The following TG variants were observed in gnomAD, a reference collection of about 807,000 sequenced individuals.
TG encodes the protein thyroid hormones.
TG carries 270 observed loss-of-function variants against 324.7 expected under a neutral mutation model. The observed-to-expected ratio is 0.83, with a 90% CI of 0.75 to 0.92. TG has a LOEUF of 0.92. Ranked by LOEUF, TG falls within the 40% of genes least tolerant of loss-of-function variation. The pLI is 0.00. For synonymous variants in TG, 1,401 were observed against 1,327.0 expected (o/e 1.06, Z -1.21); for missense variants, 3,591 against 3,456.4 (o/e 1.04, Z -0.98).
intron 43 of TG, among the ~76,000 whole-genome samples, chr8:133,106,867 C>T (rs1333218675): frequency 1.3e-5 from 2 of 152,180 alleles, no homozygotes; most frequent in South Asian, 2.1e-4. Context: ...CCAAATGCCT[C>T]GAGCTGCTCC....
intron 34 of TG, among the ~76,000 whole-genome samples, chr8:132,975,771 A>G (rs1286511319): frequency 6.6e-6 from 1 of 152,202 alleles, no homozygotes; most frequent in East Asian, 1.9e-4. Context: ...GTCACCAGAA[A>G]GTAAATCAGA....
At position 132,969,910 on chromosome 8, in the gene TG, CAAAAAAAAA is replaced by C. The variant is rs11335158; in HGVS notation, c.5975+356_5975+364del. The stretch of plus-strand genomic sequence containing the variant: ...GCCTAGCAACAGAGCGAGACTCTGT[CAAAAAAAAA>C]AAAAAAAAAAAAAAGCACAAAAAAC... On this transcript the variant is annotated intron_variant, in intron 32 of 47. Coordinates refer to ENST00000220616, the MANE Select transcript of TG (RefSeq NM_003235.5). Among the ~76,000 whole-genome samples, 4 of 58,074 alleles carry C rather than the reference CAAAAAAAAA, an allele frequency of 6.9e-5. No individual in the cohort carries two copies. In the Admixed American group the frequency reaches 8.8e-4, roughly 13 times the overall value. 38.1% of individuals were successfully genotyped at this position (58,074 alleles called of 152,430 possible).
intron 29 of TG, among the ~76,000 whole-genome samples, chr8:132,965,870 T>C (rs1477530275): frequency 1.3e-5 from 2 of 152,178 alleles, no homozygotes; most frequent in East Asian, 3.9e-4. Context: ...GAGTTGAGGC[T>C]GAAAATGCAA....
Position 132,935,833 on chromosome 8 carries a change from T to A in TG, c.5010T>A (p.Gly1670=), listed in dbSNP as rs760804532. The A allele has an allele frequency of 1.2e-6, 2 of 1,612,658 alleles. No individual in the cohort carries two copies. Among genetic ancestry groups the A allele is most frequent in the Non-Finnish European group, 1.7e-6 (2 of 1,180,010 alleles). ...GCCAGGTGAAAGTGAGGAGCCATGG[T>A]CAAGATTCTCCAGCTGTGTATTTGA... ...LRCQVKVRSH[G]QDSPAVYLKK... Residue 1670 remains glycine, a synonymous_variant, in exon 25 of 48, where the codon GGT becomes GGA. Coordinates refer to ENST00000220616, the MANE Select transcript of TG (RefSeq NM_003235.5).
Position 133,041,387 on chromosome 8 carries a change from A to G in TG, c.7239+11364A>G, listed in dbSNP as rs1456733463. Among the ~76,000 whole-genome samples the G allele has an allele frequency of 3.3e-5, 5 of 152,346 alleles. No individual in the cohort carries two copies. The East Asian group carries it at 9.6e-4, about 29-fold the overall frequency. On this transcript the variant is annotated intron_variant, in intron 41 of 47. Coordinates refer to ENST00000220616, the MANE Select transcript of TG (RefSeq NM_003235.5). ...GGGCAAGCCAGGAAGACCTCGTTTCATGGTTTTCAGTCCGACTTCAACTGT... is the reference window on the plus strand; with the variant it reads ...GGGCAAGCCAGGAAGACCTCGTTTCGTGGTTTTCAGTCCGACTTCAACTGT...
intron 43 of TG, among the ~76,000 whole-genome samples, chr8:133,098,781 G>T (rs1169416881): frequency 6.6e-6 from 1 of 152,186 alleles, no homozygotes; most frequent in East Asian, 1.9e-4. Context: ...CTTGTTGGCA[G>T]ATCTGGGACC....
At chr8:133,009,441 G>A (rs1834304218) in intron 35 of TG, among the ~76,000 whole-genome samples, 1 of 152,088 alleles carries the variant, frequency 6.6e-6, no homozygotes, top group Non-Finnish European at 1.5e-5. Context: ...ACAGAGTATG[G>A]AGGTTTACCT....
At chr8:132,948,685 C>T in intron 26 of TG, 91 bp from the exon 27 acceptor site, 1 of 1,398,092 alleles carries the variant, frequency 7.2e-7, no homozygotes, top group Non-Finnish European at 1.0e-6. Context: ...TGTCACCTAT[C>T]TTTATTTGCA....
chr8:133,036,541 A>C (rs1462364229), intron 41 of TG, among the ~76,000 whole-genome samples: 1 of 152,168 alleles, frequency 6.6e-6, no homozygotes, highest in Non-Finnish European at 1.5e-5. Context: ...GACACCCCCC[A>C]GAGTCATACA....
Position 132,906,789 on chromosome 8 carries a change from C to T in TG, c.3736C>T (p.Gln1246Ter). The stretch of plus-strand genomic sequence containing the variant: ...CACAGGCTCTGCCATGCAGCAGTGC[C>T]AATTGCTGTGCCGCCAGGGCTCCTG... ...GPTGSAMQQC[Q>*]LLCRQGSWSV... Residue 1246 changes from glutamine to a stop codon, truncating the protein, a stop_gained, in exon 17 of 48, where the codon CAA (glutamine) becomes TAA (stop). Coordinates refer to ENST00000220616, the MANE Select transcript of TG (RefSeq NM_003235.5). LOFTEE classifies it high-confidence loss of function. 6.2e-7 allele frequency: 1 copy of T among 1,614,220 alleles called. No individual in the cohort carries two copies. The highest frequency in any genetic ancestry group is 8.5e-7 in the Non-Finnish European group (1 of 1,180,048).
At chr8:133,052,918 T>C (rs1840682671) in intron 41 of TG, among the ~76,000 whole-genome samples, 1 of 152,136 alleles carries the variant, frequency 6.6e-6, no homozygotes, top group African/African-American at 2.4e-5. Context: ...GTCTGGAAAA[T>C]GAGAGGTTGA....
rs536471667 is a variant in TG, at chr8:132,929,308, A to G, written c.4816+116A>G. The stretch of plus-strand genomic sequence containing the variant: ...AAACTATAATTTAAAAACATACTTT[A>G]TCAAAAACACTATAAATGAATTGAT... On this transcript the variant is annotated intron_variant, in intron 23 of 47. Coordinates refer to ENST00000220616, the MANE Select transcript of TG (RefSeq NM_003235.5). 1.1e-3 allele frequency: 870 copies of G among 793,554 alleles called. 4 individuals carry two copies. Among genetic ancestry groups the G allele is most frequent in the South Asian group, 4.8e-3 (321 of 66,810 alleles). The allele number at this position is 793,554 out of a possible 1,614,324, so 49.2% of individuals were successfully genotyped here.
chr8:133,019,934 C>A (rs1410131275), intron 39 of TG, among the ~76,000 whole-genome samples: 2 of 152,194 alleles, frequency 1.3e-5, no homozygotes, highest in Admixed American at 6.5e-5. Context: ...TCCATAGTGT[C>A]AGGAAGAAGA....
chr8:133,076,275 G>A (rs1254184139), intron 41 of TG: 3 of 152,292 alleles, frequency 2.0e-5, no homozygotes, highest in East Asian at 3.8e-4. Context: ...CAGAATCTAC[G>A]GCCGGTGACC....
At chr8:133,110,438 T>C (rs765192817) in intron 43 of TG, among the ~76,000 whole-genome samples, 3 of 152,224 alleles carry the variant, frequency 2.0e-5, no homozygotes, top group Non-Finnish European at 4.4e-5. Context: ...GTTTTTCAAA[T>C]ATTCATATTA....
At chr8:133,085,899 T>A (rs778063420) in intron 41 of TG, among the ~76,000 whole-genome samples, 1 of 152,162 alleles carries the variant, frequency 6.6e-6, no homozygotes, top group African/African-American at 2.4e-5. Context: ...AAAACATGCA[T>A]CCCTATAAGA....
At chr8:132,964,788 C>T (rs1828304157) in intron 29 of TG, 2 of 645,410 alleles carry the variant, frequency 3.1e-6, no homozygotes, top group South Asian at 1.7e-5. Flanking sequence ...TTCCATGTGC[C>T]AGCCACTGCA....
chr8:132,879,809 T>C (rs1814396434), intron 5 of TG, among the ~76,000 whole-genome samples: 1 of 152,158 alleles, frequency 6.6e-6, no homozygotes, highest in South Asian at 2.1e-4. Context: ...CTGGGCAGTT[T>C]ATAAGACCAG....
At chr8:133,115,360 A>G (rs1283001067) in intron 44 of TG, among the ~76,000 whole-genome samples, 1 of 152,050 alleles carries the variant, frequency 6.6e-6, no homozygotes, top group African/African-American at 2.4e-5. Context: ...CCAGTGCGTG[A>G]TGCTTCCCAT....
Sources: gnomAD v4.1 joint callset for allele counts (sites outside exome capture counted in the v4.1 genomes callset) on GRCh38, gnomAD v4.1.1 for gene constraint, MANE v1.5 for transcripts, NCBI Gene and HGNC (gene_info 2026-07-23, HGNC 2026-07-21) for gene names.